ATRNL1: variants seen among roughly 807,000 people sequenced by gnomAD.
The protein encoded by ATRNL1 is attractin-like protein 1.
Under a neutral mutation model 182.7 loss-of-function variants are expected in ATRNL1, and 95 were observed. The observed-to-expected ratio is 0.52, with a 90% confidence interval of 0.44 to 0.62. The LOEUF is 0.62. ATRNL1 is among the 20% of genes least tolerant of loss of function. ATRNL1 has a pLI of 0.00. For synonymous variants in ATRNL1, 576 were observed against 568.3 expected, an observed-to-expected ratio of 1.01 and a Z score of -0.19; for missense variants, 1,471 against 1,679.5, an observed-to-expected ratio of 0.88 and a Z score of 2.17.
intron 5 of ATRNL1, among the ~76,000 whole-genome samples, chr10:115,136,230 CTA>C (rs1338258857): frequency 6.6e-6 from 1 of 151,944 alleles, no homozygotes; most frequent in Admixed American, 6.6e-5. Context: ...AAATATATGA[CTA>C]AAAGTATAGG....
At chr10:115,801,112 C>G (rs1412156579) in intron 27 of ATRNL1, among the ~76,000 whole-genome samples, 3 of 152,216 alleles carry the variant, frequency 2.0e-5, no homozygotes, top group Non-Finnish European at 2.9e-5. Flanking sequence ...TAGTCCTAGT[C>G]TGTTCCTTTT....
intron 20 of ATRNL1, among the ~76,000 whole-genome samples, chr10:115,423,042 G>T (rs994815472): frequency 6.6e-6 from 1 of 152,124 alleles, no homozygotes; most frequent in East Asian, 1.9e-4. Flanking sequence ...TAAGAAAAAT[G>T]ATAGGAAAAC....
At chr10:115,246,061 T>C (rs1258636248) in intron 10 of ATRNL1, among the ~76,000 whole-genome samples, 1 of 152,150 alleles carries the variant, frequency 6.6e-6, no homozygotes, top group Non-Finnish European at 1.5e-5. Context: ...AAAGAAAAAA[T>C]AACCTTTTAT....
intron 26 of ATRNL1, among the ~76,000 whole-genome samples, chr10:115,588,704 G>C (rs1438800614): frequency 5.9e-5 from 9 of 152,120 alleles, no homozygotes; most frequent in African/African-American, 1.7e-4. Context: ...TCCTACCCGT[G>C]TTGGTGTGGG....
intron 26 of ATRNL1, among the ~76,000 whole-genome samples, chr10:115,696,870 C>CGAGAGA (rs138252590): frequency 0.021 from 2,814 of 133,908 alleles, 102 homozygotes; most frequent in African/African-American, 0.069. Flanking sequence ...CATATCAGAG[C>CGAGAGA]GAGAGAGAGA....
At chr10:115,907,236 C>A (rs922226348) in intron 28 of ATRNL1, among the ~76,000 whole-genome samples, 1 of 152,222 alleles carries the variant, frequency 6.6e-6, no homozygotes, top group South Asian at 2.1e-4. Flanking sequence ...TGCTTATCAT[C>A]ATCAAAAAGG....
chr10:115,911,106 A>C (rs1952663753), intron 28 of ATRNL1, among the ~76,000 whole-genome samples: 1 of 150,182 alleles, frequency 6.7e-6, no homozygotes, highest in South Asian at 2.1e-4. Context: ...CCAGGTTCTA[A>C]CGATTCTCAT....
chr10:115,196,322 A>G (rs954972804), intron 8 of ATRNL1, among the ~76,000 whole-genome samples: 8 of 152,176 alleles, frequency 5.3e-5, no homozygotes, highest in South Asian at 2.1e-4. Flanking sequence ...TGGTTATTCT[A>G]GTATCACACT....
chr10:115,130,770 G>A (rs1273423019), intron 5 of ATRNL1, among the ~76,000 whole-genome samples: 1 of 151,978 alleles, frequency 6.6e-6, no homozygotes, highest in Non-Finnish European at 1.5e-5. Flanking sequence ...AGAGACAGTG[G>A]TGTATCCATA....
chr10:115,698,546 G>C (rs193302321), intron 26 of ATRNL1, among the ~76,000 whole-genome samples: 2 of 152,084 alleles, frequency 1.3e-5, no homozygotes, highest in Non-Finnish European at 2.9e-5. Context: ...TTGGGAGTCC[G>C]AGGCAGGCAG....
intron 19 of ATRNL1, among the ~76,000 whole-genome samples, chr10:115,370,809 A>G (rs1159260299): frequency 2.0e-5 from 3 of 152,240 alleles, no homozygotes; most frequent in Non-Finnish European, 2.9e-5. Flanking sequence ...GAGGAGCTGA[A>G]TGCTAATCAC....
intron 27 of ATRNL1, among the ~76,000 whole-genome samples, chr10:115,740,235 C>T (rs1336059771): frequency 2.0e-5 from 3 of 151,870 alleles, no homozygotes; most frequent in Admixed American, 1.3e-4. Context: ...TTTTTTTCAT[C>T]AAAGGTCATA....
chr10:115,576,232 T>C (rs1017738035), intron 26 of ATRNL1, among the ~76,000 whole-genome samples: 1 of 152,100 alleles, frequency 6.6e-6, no homozygotes, highest in Admixed American at 6.6e-5. Flanking sequence ...GCTGATTTCG[T>C]TTCCTTTGGA....
At chr10:115,646,984 A>G (rs1317861190) in intron 26 of ATRNL1, among the ~76,000 whole-genome samples, 1 of 114,564 alleles carries the variant, frequency 8.7e-6, no homozygotes, top group African/African-American at 3.4e-5. Context: ...CTGGTGTGTG[A>G]TGTTCCCCAC....
At chr10:115,239,440 G>A (rs544638655) in intron 9 of ATRNL1, among the ~76,000 whole-genome samples, 1 of 152,050 alleles carries the variant, frequency 6.6e-6, no homozygotes, top group African/African-American at 2.4e-5. Flanking sequence ...CACCATGTTG[G>A]CAAGCCTAGT....
chr10:115,719,783 T>C (rs1388063099), intron 26 of ATRNL1, among the ~76,000 whole-genome samples: 1 of 152,008 alleles, frequency 6.6e-6, no homozygotes, highest in Non-Finnish European at 1.5e-5. Context: ...AACAACTTTG[T>C]GATATGCTTC....
intron 27 of ATRNL1, among the ~76,000 whole-genome samples, chr10:115,738,958 A>G (rs563200094): frequency 8.4e-4 from 128 of 152,180 alleles, no homozygotes; most frequent in African/African-American, 3.0e-3. Flanking sequence ...AAAGCTAAAT[A>G]TATATATTTA....
intron 5 of ATRNL1, among the ~76,000 whole-genome samples, chr10:115,155,397 A>G (rs1404334782): frequency 2.0e-5 from 3 of 152,148 alleles, no homozygotes; most frequent in Non-Finnish European, 2.9e-5. Flanking sequence ...AGTTACTATT[A>G]TGAAGCATTT....
intron 21 of ATRNL1, among the ~76,000 whole-genome samples, chr10:115,460,194 G>T (rs1160128829): frequency 6.6e-6 from 1 of 151,944 alleles, no homozygotes; most frequent in Non-Finnish European, 1.5e-5. Context: ...ACAATTTCCT[G>T]CCTTCCTGGC....
Sources: allele counts gnomAD v4.1 joint callset (sites outside exome capture counted in the v4.1 genomes callset), GRCh38; gene constraint gnomAD v4.1.1; transcripts MANE v1.5; gene names NCBI Gene and HGNC (gene_info 2026-07-23, HGNC 2026-07-21).